The following ATF6 variants were observed in gnomAD, a reference collection of about 807,000 sequenced individuals.
ATF6 encodes the protein activating transcription factor 6.
Under a neutral mutation model 83.6 loss-of-function variants are expected in ATF6, and 53 were observed. That is an observed-to-expected ratio of 0.63 (90% CI 0.51 to 0.80). The LOEUF (loss-of-function observed/expected upper bound fraction) is 0.80, where lower values mean the gene tolerates loss of function less well. ATF6 is among the 30% of genes least tolerant of loss of function. The pLI is 0.00. For synonymous variants in ATF6, 288 were observed against 285.8 expected (o/e 1.01, Z -0.08); for missense variants, 744 against 797.9 (o/e 0.93, Z 0.81).
At chr1:161,791,692 G>A (rs566332324) in intron 5 of ATF6, among the ~76,000 whole-genome samples, 155 bp downstream of exon 5, 2 of 152,156 alleles carry the variant, frequency 1.3e-5, no homozygotes, top group African/African-American at 2.4e-5. Flanking sequence ...AGTGATTACC[G>A]TGGAGAGGAA....
At chr1:161,782,294 C>T (rs182140282) in intron 3 of ATF6, among the ~76,000 whole-genome samples, 2 of 152,246 alleles carry the variant, frequency 1.3e-5, no homozygotes, top group East Asian at 3.9e-4. Flanking sequence ...ACCTGAGAAC[C>T]AGACAGGGCT....
chr1:161,930,343 T>C (rs1688406844), intron 15 of ATF6, among the ~76,000 whole-genome samples: 1 of 152,238 alleles, frequency 6.6e-6, no homozygotes, highest in African/African-American at 2.4e-5. Flanking sequence ...GAATTTGTCA[T>C]CATTATTTTT....
intron 7 of ATF6, among the ~76,000 whole-genome samples, chr1:161,812,886 A>G (rs1201714929): frequency 6.6e-6 from 1 of 151,746 alleles, no homozygotes; most frequent in East Asian, 1.9e-4. Flanking sequence ...CATGTCTGTT[A>G]CACAGTTGAT....
chr1:161,912,238 C>A, intron 14 of ATF6, 58 bp from the exon 15 acceptor site: 2 of 1,201,722 alleles, frequency 1.7e-6, no homozygotes, highest in Non-Finnish European at 2.3e-6. Flanking sequence ...CTGAATTTGG[C>A]CTGTTCTAGG....
chr1:161,856,721 CT>C (rs3835612), intron 12 of ATF6, among the ~76,000 whole-genome samples: 21,492 of 151,018 alleles, frequency 0.14, 2,086 homozygotes, highest in East Asian at 0.32. Context: ...GCCCTAAATG[CT>C]TTTTTTTTGG....
At chr1:161,882,599 A>G (rs988332022) in intron 14 of ATF6, among the ~76,000 whole-genome samples, 1 of 152,084 alleles carries the variant, frequency 6.6e-6, no homozygotes, top group African/African-American at 2.4e-5. Flanking sequence ...TTTATGCTGT[A>G]GTATTGTGCA....
chr1:161,846,067 C>T (rs1686479311), intron 9 of ATF6, among the ~76,000 whole-genome samples: 1 of 152,062 alleles, frequency 6.6e-6, no homozygotes, highest in Admixed American at 6.6e-5. Flanking sequence ...ATTGAAAACA[C>T]CAGTTTGCAC....
In ATF6 at chr1:161,880,193, G is replaced by A. The variant is rs562348451; in HGVS notation, c.1719+16881G>A. Among the ~76,000 whole-genome samples, 4 of 152,202 alleles carry A rather than the reference G, an allele frequency of 2.6e-5. No homozygotes were observed. The South Asian group carries it at 8.3e-4, about 32-fold the overall frequency. On this transcript the variant is annotated intron_variant, in intron 14 of 15. Coordinates refer to ENST00000367942, the MANE Select transcript of ATF6 (RefSeq NM_007348.4). ...CATAGTTTCAAAATTAAAATTGATA[G>A]TGAAATTTTATGTGCCATGCAATGT...
intron 9 of ATF6, among the ~76,000 whole-genome samples, chr1:161,834,201 A>G (rs1243591221): frequency 1.3e-5 from 2 of 152,202 alleles, no homozygotes; most frequent in African/African-American, 4.8e-5. Context: ...CAGACAAGCA[A>G]ATGCTGAGAG....
intron 14 of ATF6, among the ~76,000 whole-genome samples, chr1:161,875,494 A>G (rs140657255): frequency 4.1e-4 from 63 of 151,980 alleles, no homozygotes; most frequent in Admixed American, 1.1e-3. Context: ...CTTTAATACT[A>G]TCACAAATCT....
chr1:161,951,991 T>C (rs1313745161), intron 15 of ATF6, among the ~76,000 whole-genome samples: 1 of 152,226 alleles, frequency 6.6e-6, no homozygotes, highest in Non-Finnish European at 1.5e-5. Flanking sequence ...AGTGCTCATA[T>C]AATTGTTGAA....
At chr1:161,830,601 T>G (rs1003231156) in intron 9 of ATF6, among the ~76,000 whole-genome samples, 18 of 152,248 alleles carry the variant, frequency 1.2e-4, no homozygotes, top group African/African-American at 3.9e-4. Flanking sequence ...AAAACAGAGA[T>G]ATAGACCAAT....
At chr1:161,831,508 T>A (rs369136542) in intron 9 of ATF6, among the ~76,000 whole-genome samples, 2 of 152,054 alleles carry the variant, frequency 1.3e-5, no homozygotes, top group South Asian at 2.1e-4. Flanking sequence ...ATGTTTATTG[T>A]GGCACTATTC....
intron 14 of ATF6, among the ~76,000 whole-genome samples, chr1:161,904,067 G>A (rs1687840521): frequency 6.6e-6 from 1 of 152,130 alleles, no homozygotes. Flanking sequence ...CATTGGCACT[G>A]TTTTTGCTTC....
At chr1:161,843,990 A>G (rs1686418041) in intron 9 of ATF6, among the ~76,000 whole-genome samples, 1 of 152,188 alleles carries the variant, frequency 6.6e-6, no homozygotes, top group Non-Finnish European at 1.5e-5. Flanking sequence ...ATAGGAAGAG[A>G]AGCAAAAGTA....
chr1:161,892,738 G>C (rs558958028), intron 14 of ATF6, among the ~76,000 whole-genome samples: 1 of 150,518 alleles, frequency 6.6e-6, no homozygotes, highest in Admixed American at 6.7e-5. Flanking sequence ...CCAGGTTCAA[G>C]AGATTCTCCT....
chr1:161,853,126 C>G lies in ATF6; in HGVS notation c.1434-98C>G, dbSNP rs1239927604. 4 of 852,832 alleles carry G rather than the reference C, an allele frequency of 4.7e-6. No individual in the cohort carries two copies. The Admixed American group carries it at 1.1e-4, about 23-fold the overall frequency. The allele number at this position is 852,832 out of a possible 1,614,324, so 52.8% of individuals were successfully genotyped here. ...CAGGCACTTGGAATGCTCTTTGGAA[C>G]CTACAAATGATTAGATTCATTTCCA... On this transcript the variant is annotated intron_variant, in intron 11 of 15. Coordinates refer to ENST00000367942, the MANE Select transcript of ATF6 (RefSeq NM_007348.4).
chr1:161,851,697 C>G (rs753812910), intron 10 of ATF6, 25 bp from the exon 11 acceptor site: 30 of 1,553,724 alleles, frequency 1.9e-5, no homozygotes, highest in Non-Finnish European at 2.4e-5. Flanking sequence ...TACAAGGAAA[C>G]AAATTTTGTG....
Position 161,846,708 on chromosome 1 carries a change from C to A in ATF6, c.1319+128C>A, listed in dbSNP as rs1346304139. The A allele has an allele frequency of 8.9e-6, 8 of 903,376 alleles. No homozygotes were observed. In the East Asian group the frequency reaches 1.7e-4, roughly 19 times the overall value. 56.0% of individuals were successfully genotyped at this position (903,376 alleles called of 1,614,324 possible). A position where few individuals can be genotyped will look rare whatever the true frequency, so the allele number is the denominator to read the frequency against. The stretch of plus-strand genomic sequence containing the variant: ...TTTGAGTAGTAGAACACATAAATTA[C>A]TGAAACCATTAATACATTTTACTTT... On this transcript the variant is annotated intron_variant, in intron 10 of 15. Transcript: ENST00000367942.
Sources: allele counts gnomAD v4.1 joint callset (sites outside exome capture counted in the v4.1 genomes callset), GRCh38; gene constraint gnomAD v4.1.1; transcripts MANE v1.5; gene names NCBI Gene and HGNC (gene_info 2026-07-23, HGNC 2026-07-21).